Variants in ZNF322 observed in about 807,000 individuals in gnomAD.
ZNF322 encodes the protein HLA complex group 12.
Under a neutral mutation model 18.3 loss-of-function variants are expected in ZNF322, and 1 was observed. The ratio of observed to expected loss-of-function variants is 0.05; its 90% CI spans 0.02 to 0.26. ZNF322 has a LOEUF of 0.26. Among genes scored for constraint, ZNF322 ranks in the 10% least tolerant of loss-of-function variants. The pLI is 1.00. For synonymous variants in ZNF322, 17 were observed against 130.7 expected, an observed-to-expected ratio of 0.13 and a Z score of 5.93; for missense variants, 36 against 403.6, an observed-to-expected ratio of 0.09 and a Z score of 7.80.
At chr6:26,649,693 A>G (rs1344201405) in intron 2 of ZNF322, among the ~76,000 whole-genome samples, 1 of 63,308 alleles carries the variant, frequency 1.6e-5, no homozygotes, top group Non-Finnish European at 3.2e-5. Context: ...ATATATATAT[A>G]TATATATATT....
chr6:26,652,907 A>C (rs527785950), intron 2 of ZNF322, among the ~76,000 whole-genome samples: 16 of 152,260 alleles, frequency 1.1e-4, no homozygotes, highest in Admixed American at 8.5e-4. Context: ...GTGGTAGGGG[A>C]CATATGGGTA....
intron 2 of ZNF322, among the ~76,000 whole-genome samples, chr6:26,654,438 A>G (rs1328064305): frequency 3.3e-5 from 5 of 152,072 alleles, no homozygotes; most frequent in African/African-American, 4.8e-5. Flanking sequence ...GGCTGTTTCC[A>G]CGGTTTGGAA....
intron 2 of ZNF322, among the ~76,000 whole-genome samples, chr6:26,656,993 A>C (rs1765789785): frequency 6.6e-6 from 1 of 152,196 alleles, no homozygotes; most frequent in South Asian, 2.1e-4. Context: ...TCATGCCTGT[A>C]ATCCGAGCAC....
intron 2 of ZNF322, among the ~76,000 whole-genome samples, chr6:26,656,139 T>C (rs1765766488): frequency 6.6e-6 from 1 of 152,214 alleles, no homozygotes; most frequent in African/African-American, 2.4e-5. Flanking sequence ...TTATTTTGGT[T>C]TTCAAAAAAC....
Position 26,659,707 on chromosome 6 carries a change from A to C in ZNF322, c.-601T>G, listed in dbSNP as rs1281244450. 2 of 156,310 alleles carry C rather than the reference A, an allele frequency of 1.3e-5. No individual in the cohort carries two copies. The highest frequency in any genetic ancestry group is 4.8e-5 in the African/African-American group (2 of 41,476). 9.7% of individuals were successfully genotyped at this position (156,310 alleles called of 1,614,324 possible). A position where few individuals can be genotyped will look rare whatever the true frequency, so the allele number is the denominator to read the frequency against. On this transcript the variant is annotated 5_prime_UTR_variant, in exon 1 of 4. Transcript: ENST00000415922. ...AAGGGCCCACAAGGCCGGCTACGCA[A>C]ACCCTTTCAAGCTGGCTGGGAAGAG...
chr6:26,657,146 AG>A lies in ZNF322; in HGVS notation c.-246+1411del, dbSNP rs1765793533. On this transcript the variant is annotated intron_variant, in intron 2 of 3. Coordinates refer to ENST00000415922, the MANE Select transcript of ZNF322 (RefSeq NM_024639.5). ...GCGCCTGTAGTCCCAGCTACTTGGAAGGCTGAGGCAGAAGAATGGTGTGAAC... is the reference window on the plus strand; with the variant it reads ...GCGCCTGTAGTCCCAGCTACTTGGAAGCTGAGGCAGAAGAATGGTGTGAAC... Among the ~76,000 whole-genome samples, 3 of 151,950 alleles carry A rather than the reference AG, an allele frequency of 2.0e-5. No homozygotes were observed. The South Asian group carries it at 6.3e-4, about 32-fold the overall frequency.
At chr6:26,659,041 T>C (rs1427401800) in intron 1 of ZNF322, among the ~76,000 whole-genome samples, 4 of 152,232 alleles carry the variant, frequency 2.6e-5, no homozygotes, top group Non-Finnish European at 4.4e-5. Flanking sequence ...GTATATAATA[T>C]AAAGTTATCT....
chr6:26,646,462 A>G (rs574193108), intron 2 of ZNF322, among the ~76,000 whole-genome samples: 71 of 152,308 alleles, frequency 4.7e-4, no homozygotes, highest in Admixed American at 1.4e-3. Context: ...ACATAATAAT[A>G]CTTTCTAAAT....
intron 2 of ZNF322, among the ~76,000 whole-genome samples, chr6:26,653,260 T>A (rs1052170418): frequency 4.6e-5 from 7 of 152,192 alleles, no homozygotes; most frequent in Non-Finnish European, 8.8e-5. Context: ...AACAAACTCA[T>A]ACGTTGCTGG....
chr6:26,658,048 T>C (rs572943836), intron 2 of ZNF322, among the ~76,000 whole-genome samples: 25 of 152,226 alleles, frequency 1.6e-4, no homozygotes, highest in African/African-American at 6.0e-4. Flanking sequence ...AAAAATTAGA[T>C]GGTGTTTATA....
chr6:26,656,372 C>T (rs75490045), intron 2 of ZNF322, among the ~76,000 whole-genome samples: 1 of 152,158 alleles, frequency 6.6e-6, no homozygotes, highest in South Asian at 2.1e-4. Flanking sequence ...TCAGTAGATG[C>T]TTAATAAATG....
rs1252447592 is a variant in ZNF322 at position 26,636,643 on chromosome 6, C to G, written c.*702G>C. The G allele has an allele frequency of 7.0e-6, 1 of 143,664 alleles. No homozygotes were observed. The highest frequency in any genetic ancestry group is 1.5e-5 in the Non-Finnish European group (1 of 65,706). The allele number at this position is 143,664 out of a possible 1,614,324, so 8.9% of individuals were successfully genotyped here. ...CTTCTACCAAAGGTTTTCTCAGACT[C>G]AAGGTAAGTATGGGTTTTTTCACCT... On this transcript the variant is annotated 3_prime_UTR_variant, in exon 4 of 4. Coordinates refer to ENST00000415922, the MANE Select transcript of ZNF322 (RefSeq NM_024639.5).
intron 2 of ZNF322, among the ~76,000 whole-genome samples, chr6:26,649,658 TG>T (rs1765619564): frequency 2.2e-5 from 1 of 44,998 alleles, no homozygotes; most frequent in Non-Finnish European, 4.5e-5. Context: ...TGTGTGTGTG[TG>T]TGTGTGTGTG....
intron 2 of ZNF322, among the ~76,000 whole-genome samples, chr6:26,646,394 A>G (rs1244628080): frequency 2.6e-5 from 4 of 152,160 alleles, no homozygotes; most frequent in African/African-American, 4.8e-5. Flanking sequence ...AGAAACAATA[A>G]AAGTAGGGCT....
At chr6:26,642,805 C>T (rs74454852) in intron 3 of ZNF322, among the ~76,000 whole-genome samples, 3,907 of 152,304 alleles carry the variant, frequency 0.026, 75 homozygotes, top group Middle Eastern at 0.061. Context: ...TCTACTCCAC[C>T]TATCACCTGC....
intron 2 of ZNF322, among the ~76,000 whole-genome samples, chr6:26,649,853 A>G (rs1443016154): frequency 6.0e-5 from 9 of 150,508 alleles, no homozygotes; most frequent in African/African-American, 4.9e-5. Context: ...GCAGGCATGC[A>G]CCACCATGCC....
At chr6:26,647,503 AAC>A (rs1765577417) in intron 2 of ZNF322, among the ~76,000 whole-genome samples, 1 of 152,152 alleles carries the variant, frequency 6.6e-6, no homozygotes, top group African/African-American at 2.4e-5. Flanking sequence ...CGAAAAGAAA[AAC>A]ACACATACAT....
intron 3 of ZNF322, 63 bp from the exon 4 acceptor site, chr6:26,638,791 A>T: frequency 1.7e-6 from 1 of 605,890 alleles, no homozygotes. Context: ...TCTCAAAATT[A>T]AAATCACTGC....
chr6:26,651,145 TAG>T (rs1163254107), intron 2 of ZNF322, among the ~76,000 whole-genome samples: 21 of 150,020 alleles, frequency 1.4e-4, no homozygotes, highest in African/African-American at 4.7e-4. Context: ...CCCATATAAA[TAG>T]AGTCAGCTGA....
Sources: gnomAD v4.1 joint callset for allele counts (sites outside exome capture counted in the v4.1 genomes callset) on GRCh38, gnomAD v4.1.1 for gene constraint, MANE v1.5 for transcripts, NCBI Gene and HGNC (gene_info 2026-07-23, HGNC 2026-07-21) for gene names.